MAST4: variants seen among roughly 807,000 people sequenced by gnomAD.
MAST4 encodes microtubule-associated serine/threonine-protein kinase 4.
Under a neutral mutation model 162.7 loss-of-function variants are expected in MAST4, and 89 were observed. The ratio of observed to expected loss-of-function variants is 0.55; its 90% confidence interval spans 0.46 to 0.65. The LOEUF (loss-of-function observed/expected upper bound fraction) is 0.65. Among genes scored for constraint, MAST4 ranks in the 30% least tolerant of loss-of-function variants. The probability of loss-of-function intolerance (pLI) is 0.00; values close to 1 mark genes in which losing one functional copy is unlikely to be tolerated. For missense variants in MAST4, 3,153 were observed against 3,374.0 expected (o/e 0.93, Z 1.62); for synonymous variants, 1,479 against 1,361.1 (o/e 1.09, Z -1.91).
chr5:66,680,552 C>T (rs1269108225), intron 1 of MAST4, among the ~76,000 whole-genome samples: 1 of 152,180 alleles, frequency 6.6e-6, no homozygotes, highest in Non-Finnish European at 1.5e-5. Context: ...CAAGTCCTTT[C>T]CCCTCTAGCT....
chr5:67,129,687 G>A lies in MAST4; in HGVS notation c.1746-523G>A, dbSNP rs1236221252. 2.0e-5 allele frequency among the ~76,000 whole-genome samples: 3 copies of A among 150,802 alleles called. No homozygotes were observed. In the East Asian group the frequency reaches 5.8e-4, roughly 29 times the overall value. On this transcript the variant is annotated intron_variant, in intron 14 of 28. Coordinates refer to ENST00000403625, the MANE Select transcript of MAST4 (RefSeq NM_001164664.2). ...TGCAGTGAGCTGAGATCATGCCACT[G>A]CACTCTAGCCTGGGCGACAGAGCAA...
chr5:66,847,484 A>G (rs1758940404), intron 3 of MAST4, among the ~76,000 whole-genome samples: 1 of 152,212 alleles, frequency 6.6e-6, no homozygotes, highest in Non-Finnish European at 1.5e-5. Context: ...TAATACAAAA[A>G]TTAGCCAGGC....
At chr5:67,089,951 TAGAA>T (rs1763646551) in intron 5 of MAST4, among the ~76,000 whole-genome samples, 1 of 152,152 alleles carries the variant, frequency 6.6e-6, no homozygotes, top group Non-Finnish European at 1.5e-5. Context: ...CTTGCACACT[TAGAA>T]AGCTGTGCTG....
chr5:66,733,314 C>T (rs1751969528), intron 1 of MAST4, among the ~76,000 whole-genome samples: 1 of 149,048 alleles, frequency 6.7e-6, no homozygotes, highest in South Asian at 2.1e-4. Context: ...CTCCCTCTTC[C>T]CCCCACCACA....
chr5:67,110,549 G>A (rs1766116707), intron 11 of MAST4, among the ~76,000 whole-genome samples: 1 of 152,222 alleles, frequency 6.6e-6, no homozygotes, highest in Non-Finnish European at 1.5e-5. Flanking sequence ...CCAAGATGCA[G>A]AGAAGAAATA....
intron 1 of MAST4, among the ~76,000 whole-genome samples, chr5:66,732,069 T>C (rs1276942114): frequency 1.3e-5 from 2 of 152,010 alleles, no homozygotes; most frequent in African/African-American, 4.8e-5. Context: ...CTGGCCTCTT[T>C]TCCTGACTCA....
chr5:66,710,731 T>C (rs1580261045), intron 1 of MAST4, among the ~76,000 whole-genome samples: 1 of 152,220 alleles, frequency 6.6e-6, no homozygotes, highest in East Asian at 1.9e-4. Context: ...GGTCTTAACT[T>C]TCCCTTATTG....
chr5:67,165,084 G>C lies in MAST4; in HGVS notation c.5905G>C (p.Gly1969Arg), dbSNP rs1773712060. Reference protein sequence around the residue: ...PEASPSREKPGLRESSERGPP... With the variant: ...PEASPSREKPRLRESSERGPP... ...AGCTTCCCCCTCAAGGGAGAAGCCAGGCCTGAGGGAATCGTCTGAAAGAGG... is the reference window on the plus strand; with the variant it reads ...AGCTTCCCCCTCAAGGGAGAAGCCACGCCTGAGGGAATCGTCTGAAAGAGG... The change falls in exon 29 of 29, where the codon GGC becomes CGC. Residue 1969 changes from glycine (G) to arginine (R), a missense_variant. Gly to Arg is a moderately radical substitution (Grantham distance 125). Transcript: ENST00000403625. 1.3e-6 allele frequency: 2 copies of C among 1,596,616 alleles called. No homozygotes were observed. Among genetic ancestry groups the C allele is most frequent in the African/African-American group, 2.7e-5 (2 of 74,436 alleles).
At chr5:67,064,370 C>CA (rs1759982494) in intron 5 of MAST4, among the ~76,000 whole-genome samples, 1 of 152,208 alleles carries the variant, frequency 6.6e-6, no homozygotes, top group South Asian at 2.1e-4. Context: ...TCAGGTGCGT[C>CA]ACAGATGTCC....
chr5:66,885,783 T>G (rs1761998103), intron 3 of MAST4, among the ~76,000 whole-genome samples: 1 of 152,218 alleles, frequency 6.6e-6, no homozygotes, highest in Non-Finnish European at 1.5e-5. Flanking sequence ...TGTCCTTTGG[T>G]GCGCTGAAGA....
chr5:67,116,168 A>T (rs1035626394), intron 12 of MAST4, among the ~76,000 whole-genome samples: 8 of 149,696 alleles, frequency 5.3e-5, no homozygotes, highest in Middle Eastern at 3.2e-3. Flanking sequence ...ACAATTTAAG[A>T]TCTAAGGCTA....
At chr5:66,612,388 G>T (rs1743347223) in intron 1 of MAST4, among the ~76,000 whole-genome samples, 2 of 152,134 alleles carry the variant, frequency 1.3e-5, no homozygotes, top group Non-Finnish European at 2.9e-5. Context: ...GTGAGGTTTG[G>T]GACTCCCCCG....
chr5:67,156,068 A>AAC (rs1772475127), intron 26 of MAST4, among the ~76,000 whole-genome samples: 1 of 151,982 alleles, frequency 6.6e-6, no homozygotes, highest in East Asian at 1.9e-4. Context: ...CAAGAAAAAA[A>AAC]AAAAAAAAAA....
intron 17 of MAST4, among the ~76,000 whole-genome samples, chr5:67,134,034 C>T (rs1356810026): frequency 6.6e-6 from 1 of 152,132 alleles, no homozygotes; most frequent in East Asian, 1.9e-4. Flanking sequence ...TCCCTTTAAG[C>T]ATGCCTCATT....
chr5:67,145,479 G>A (rs576313494), intron 23 of MAST4, 100 bp downstream of exon 23: 2 of 882,250 alleles, frequency 2.3e-6, no homozygotes, highest in African/African-American at 1.7e-5. Context: ...AAAGATGGGT[G>A]TTTTATGCTG....
chr5:67,037,994 A>G (rs1480560828), intron 4 of MAST4, among the ~76,000 whole-genome samples: 1 of 152,094 alleles, frequency 6.6e-6, no homozygotes, highest in African/African-American at 2.4e-5. Flanking sequence ...ACAATATATT[A>G]TGGACACATT....
intron 3 of MAST4, among the ~76,000 whole-genome samples, chr5:66,848,651 C>A (rs1437725158): frequency 6.6e-6 from 1 of 152,168 alleles, no homozygotes; most frequent in Non-Finnish European, 1.5e-5. Context: ...CTCTTAGATG[C>A]AGTTTTGTGA....
intron 4 of MAST4, among the ~76,000 whole-genome samples, chr5:67,030,218 A>G (rs560806368): frequency 3.4e-4 from 52 of 152,154 alleles, no homozygotes; most frequent in Non-Finnish European, 6.9e-4. Context: ...TCTCAGGGCA[A>G]TACAACATAA....
At chr5:66,788,356 C>T in intron 2 of MAST4, among the ~76,000 whole-genome samples, 1 of 152,140 alleles carries the variant, frequency 6.6e-6, no homozygotes, top group Non-Finnish European at 1.5e-5. Context: ...GCTGAGAATG[C>T]TTTGTGTACT....
Sources: gnomAD v4.1 joint callset for allele counts (sites outside exome capture counted in the v4.1 genomes callset) on GRCh38, gnomAD v4.1.1 for gene constraint, MANE v1.5 for transcripts, NCBI Gene and HGNC (gene_info 2026-07-23, HGNC 2026-07-21) for gene names.